The following RAB38 variants were observed in gnomAD, a reference collection of about 807,000 sequenced individuals.
RAB38 encodes RAB38, member RAS oncogene family.
In RAB38, 15 loss-of-function variants were observed where a neutral mutation model predicts 18.4. The ratio of observed to expected loss-of-function variants is 0.82; its 90% CI spans 0.55 to 1.26. RAB38 has a LOEUF of 1.26. Among genes scored for constraint, RAB38 ranks in the 50% most tolerant of loss-of-function variants. The pLI is 0.00. For missense variants in RAB38, 294 were observed against 267.4 expected, an observed-to-expected ratio of 1.10 and a Z score of -0.69; for synonymous variants, 101 against 104.4, an observed-to-expected ratio of 0.97 and a Z score of 0.20.
chr11:88,120,749 T>C (rs11018514), intron 2 of RAB38, among the ~76,000 whole-genome samples: 119,437 of 152,006 alleles, frequency 0.79, 47,587 homozygotes, highest in Non-Finnish European at 0.87. Context: ...TATTTCAAAT[T>C]TTTCTTACCT....
rs1942505582 is a variant in RAB38, at chr11:88,113,691, T to C, written c.*297A>G. Reference sequence around the variant, plus strand: ...TTATTTTAAGACTTGAGGCCTTTGCTGATTAAAAGAAGCAAATAACAGTGC... The same window carrying C: ...TTATTTTAAGACTTGAGGCCTTTGCCGATTAAAAGAAGCAAATAACAGTGC... On this transcript the variant is annotated 3_prime_UTR_variant, in exon 3 of 3. Coordinates refer to ENST00000243662, the MANE Select transcript of RAB38 (RefSeq NM_022337.3). 3.4e-6 allele frequency: 1 copy of C among 290,768 alleles called. No individual in the cohort carries two copies. The highest frequency in any genetic ancestry group is 4.5e-5 in the Admixed American group (1 of 22,310). 18.0% of individuals were successfully genotyped at this position (290,768 alleles called of 1,614,324 possible).
At chr11:88,137,676 G>A (rs938553908) in intron 2 of RAB38, among the ~76,000 whole-genome samples, 1 of 152,124 alleles carries the variant, frequency 6.6e-6, no homozygotes, top group Non-Finnish European at 1.5e-5. Context: ...TTCAGAACAT[G>A]AGTTTGTAAG....
chr11:87,878,015 C>T, the RAB38 span, among the ~76,000 whole-genome samples: 1 of 150,768 alleles, frequency 6.6e-6, no homozygotes, highest in Admixed American at 6.6e-5. Context: ...ATTAATATTC[C>T]TATTTTGTAT....
At chr11:88,071,400 A>C in the RAB38 span, among the ~76,000 whole-genome samples, 1 of 152,136 alleles carries the variant, frequency 6.6e-6, no homozygotes, top group African/African-American at 2.4e-5. Context: ...TTTCTGGGAG[A>C]GTGACAGAAG....
At chr11:87,808,544 T>C in the RAB38 span, among the ~76,000 whole-genome samples, 1 of 152,098 alleles carries the variant, frequency 6.6e-6, no homozygotes, top group Non-Finnish European at 1.5e-5. Flanking sequence ...GTGGACGTGA[T>C]GGTCATTAAG....
At chr11:87,862,655 T>G in the RAB38 span, among the ~76,000 whole-genome samples, 1 of 151,728 alleles carries the variant, frequency 6.6e-6, no homozygotes, top group African/African-American at 2.4e-5. Flanking sequence ...ACCCCTGAAC[T>G]TAAACAAAAG....
chr11:88,045,768 T>C, the RAB38 span, among the ~76,000 whole-genome samples: 1 of 152,200 alleles, frequency 6.6e-6, no homozygotes, highest in Non-Finnish European at 1.5e-5. Flanking sequence ...ATACGAAGGC[T>C]ACCCACTCCA....
the RAB38 span, among the ~76,000 whole-genome samples, chr11:87,975,428 C>A: frequency 1.3e-5 from 2 of 151,770 alleles, no homozygotes; most frequent in African/African-American, 4.8e-5. Context: ...ACTTGTACTA[C>A]GAGAAATAAG....
At chr11:88,164,147 A>AT (rs1219522672) in intron 1 of RAB38, among the ~76,000 whole-genome samples, 1 of 151,988 alleles carries the variant, frequency 6.6e-6, no homozygotes, top group African/African-American at 2.4e-5. Flanking sequence ...CATTAAATAA[A>AT]TTTTTATAAA....
At chr11:88,104,297 C>T in the RAB38 span, among the ~76,000 whole-genome samples, 6 of 107,514 alleles carry the variant, frequency 5.6e-5, no homozygotes, top group African/African-American at 2.3e-4. Flanking sequence ...CGTTAAATGT[C>T]CCTTATTCAA....
chr11:88,061,156 T>G, the RAB38 span, among the ~76,000 whole-genome samples: 1 of 152,216 alleles, frequency 6.6e-6, no homozygotes, highest in Admixed American at 6.5e-5. Flanking sequence ...GACAGACTCT[T>G]ACTGATTTTG....
At chr11:87,925,348 A>C in the RAB38 span, among the ~76,000 whole-genome samples, 1 of 152,062 alleles carries the variant, frequency 6.6e-6, no homozygotes, top group Non-Finnish European at 1.5e-5. Flanking sequence ...TTTTCTACGA[A>C]TATTTACCAA....
At chr11:87,962,700 G>A in the RAB38 span, among the ~76,000 whole-genome samples, 14 of 152,236 alleles carry the variant, frequency 9.2e-5, no homozygotes, top group African/African-American at 2.6e-4. Flanking sequence ...GCACTGAGAC[G>A]TCCCTGAAAA....
the RAB38 span, among the ~76,000 whole-genome samples, chr11:87,954,537 AGAGAAGGAACAGCCTTGTT>A: frequency 6.6e-6 from 1 of 151,384 alleles, no homozygotes; most frequent in East Asian, 1.9e-4. Flanking sequence ...AATGCACGCT[AGAGAAGGAACAGCCTTGTT>A]GAGAAATTTC....
At chr11:87,827,588 A>C in the RAB38 span, among the ~76,000 whole-genome samples, 2 of 152,170 alleles carry the variant, frequency 1.3e-5, no homozygotes, top group Admixed American at 6.6e-5. Context: ...ATTTAGGAAG[A>C]ATATTAATGA....
the RAB38 span, among the ~76,000 whole-genome samples, chr11:88,030,030 T>G: frequency 1.3e-5 from 2 of 152,086 alleles, no homozygotes; most frequent in Non-Finnish European, 2.9e-5. Context: ...ACAAACTATC[T>G]CTCAGACCAC....
chr11:87,890,591 A>G, the RAB38 span, among the ~76,000 whole-genome samples: 1 of 151,140 alleles, frequency 6.6e-6, no homozygotes, highest in Non-Finnish European at 1.5e-5. Context: ...ATTTTTATCA[A>G]CTGTTGTATT....
the RAB38 span, among the ~76,000 whole-genome samples, chr11:87,916,951 C>T: frequency 6.6e-6 from 1 of 151,980 alleles, no homozygotes; most frequent in South Asian, 2.1e-4. Flanking sequence ...TAGTGGATTA[C>T]TTACAAATCC....
the RAB38 span, among the ~76,000 whole-genome samples, chr11:87,953,134 T>C: frequency 6.6e-6 from 1 of 152,188 alleles, no homozygotes; most frequent in African/African-American, 2.4e-5. Context: ...TGTGACCACC[T>C]ATGTGTTAGA....
Sources: gnomAD v4.1 joint callset for allele counts (sites outside exome capture counted in the v4.1 genomes callset) on GRCh38, gnomAD v4.1.1 for gene constraint, MANE v1.5 for transcripts, NCBI Gene and HGNC (gene_info 2026-07-23, HGNC 2026-07-21) for gene names.